The following SMARCAD1 variants were observed in gnomAD, a reference collection of about 807,000 sequenced individuals.
SMARCAD1 encodes SNF2 related chromatin remodeling ATPase with DExD box 1.
In SMARCAD1, 25 loss-of-function variants were observed where a neutral mutation model predicts 127.1. The ratio of observed to expected loss-of-function variants is 0.20; its 90% CI spans 0.14 to 0.27. The LOEUF is 0.27. Ranked by LOEUF, SMARCAD1 falls within the 10% of genes least tolerant of loss-of-function variation. SMARCAD1 has a pLI of 1.00. For synonymous variants in SMARCAD1, 400 were observed against 396.9 expected (o/e 1.01, Z -0.09); for missense variants, 807 against 1,206.0 (o/e 0.67, Z 4.90).
chr4:94,269,287 C>G (rs541801130), intron 10 of SMARCAD1, among the ~76,000 whole-genome samples: 1 of 152,110 alleles, frequency 6.6e-6, no homozygotes, highest in Admixed American at 6.6e-5. Flanking sequence ...CCAGACCCTT[C>G]CCTGTGTGCA....
intron 9 of SMARCAD1, among the ~76,000 whole-genome samples, chr4:94,262,921 TG>T (rs1751230168): frequency 7.5e-6 from 1 of 133,186 alleles, no homozygotes; most frequent in Non-Finnish European, 1.6e-5. Flanking sequence ...AGAAAAGAAA[TG>T]GTAGTTGGTT....
rs778002631 is a variant in SMARCAD1 at position 94,289,699 on chromosome 4, C to G, written c.*165C>G. 3 of 731,556 alleles carry G rather than the reference C, an allele frequency of 4.1e-6. No individual in the cohort carries two copies. Among genetic ancestry groups the G allele is most frequent in the Non-Finnish European group, 7.5e-6 (3 of 398,842 alleles). 45.3% of individuals were successfully genotyped at this position (731,556 alleles called of 1,614,324 possible). Reference sequence around the variant, plus strand: ...AACTTTTTGCCACTAACTGAATTCTCCAAATACTCACACGTGAAATTTCAA... The same window carrying G: ...AACTTTTTGCCACTAACTGAATTCTGCAAATACTCACACGTGAAATTTCAA... On this transcript the variant is annotated 3_prime_UTR_variant, in exon 24 of 24. Transcript: ENST00000354268.
intron 15 of SMARCAD1, 51 bp downstream of exon 15, chr4:94,276,525 G>A (rs373304622): frequency 7.2e-5 from 114 of 1,588,088 alleles, no homozygotes; most frequent in South Asian, 2.0e-4. Context: ...TTTAGATTAC[G>A]TAATTTAATA....
intron 9 of SMARCAD1, among the ~76,000 whole-genome samples, chr4:94,263,689 T>G (rs1336251172): frequency 6.6e-6 from 1 of 151,944 alleles, no homozygotes; most frequent in Non-Finnish European, 1.5e-5. Flanking sequence ...TTACTTAGAG[T>G]TGTTAATGTG....
intron 3 of SMARCAD1, among the ~76,000 whole-genome samples, chr4:94,233,474 G>T (rs1341912139): frequency 3.9e-5 from 6 of 152,134 alleles, no homozygotes; most frequent in Admixed American, 6.5e-5. Context: ...TTTGTTTCTG[G>T]CAGAGATTCC....
intron 22 of SMARCAD1, among the ~76,000 whole-genome samples, chr4:94,284,479 A>G (rs777678120): frequency 1.3e-5 from 2 of 151,594 alleles, no homozygotes; most frequent in South Asian, 2.1e-4. Flanking sequence ...GCTCACTTCA[A>G]TCTCCACCTC....
intron 22 of SMARCAD1, among the ~76,000 whole-genome samples, chr4:94,283,554 C>T (rs531210145): frequency 7.9e-5 from 12 of 152,226 alleles, no homozygotes; most frequent in South Asian, 2.1e-4. Context: ...GGCCGGGCGC[C>T]GTGGCTCACG....
chr4:94,250,967 G>A, intron 8 of SMARCAD1, 134 bp downstream of exon 8: 1 of 654,314 alleles, frequency 1.5e-6, no homozygotes, highest in Non-Finnish European at 2.6e-6. Context: ...TGAAAGTAAT[G>A]ATGTAAAAAC....
chr4:94,265,171 C>T (rs1751548697), intron 10 of SMARCAD1, among the ~76,000 whole-genome samples: 1 of 151,754 alleles, frequency 6.6e-6, no homozygotes, highest in Non-Finnish European at 1.5e-5. Flanking sequence ...TTTTTTGCCT[C>T]ATAACAGGTA....
intron 2 of SMARCAD1, among the ~76,000 whole-genome samples, chr4:94,209,891 G>A (rs2125779066): frequency 6.6e-6 from 1 of 152,260 alleles, no homozygotes; most frequent in Non-Finnish European, 1.5e-5. Context: ...TAGTTAGATA[G>A]TTCAGGAAAG....
At chr4:94,234,616 A>C (rs1440607805) in intron 4 of SMARCAD1, among the ~76,000 whole-genome samples, 1 of 152,240 alleles carries the variant, frequency 6.6e-6, no homozygotes, top group Non-Finnish European at 1.5e-5. Flanking sequence ...GTTGAAATGT[A>C]AAGTGATGTT....
chr4:94,252,491 A>G (rs1749427185), intron 8 of SMARCAD1, 125 bp from the exon 9 acceptor site: 1 of 601,090 alleles, frequency 1.7e-6, no homozygotes, highest in Non-Finnish European at 2.7e-6. Flanking sequence ...AAATTTAACA[A>G]TAAATTGTCG....
intron 6 of SMARCAD1, among the ~76,000 whole-genome samples, chr4:94,241,891 G>A (rs1408961428): frequency 2.0e-5 from 3 of 152,174 alleles, no homozygotes; most frequent in African/African-American, 4.8e-5. Context: ...TCAAGTGGCT[G>A]TGGACTTAAC....
chr4:94,250,549 T>G (rs1349759801), intron 7 of SMARCAD1, among the ~76,000 whole-genome samples: 1 of 152,154 alleles, frequency 6.6e-6, no homozygotes, highest in Non-Finnish European at 1.5e-5. Context: ...TGTCAAGTTT[T>G]CTTTCCTTTG....
intron 9 of SMARCAD1, among the ~76,000 whole-genome samples, chr4:94,255,153 T>C (rs987097703): frequency 6.6e-6 from 1 of 152,016 alleles, no homozygotes; most frequent in African/African-American, 2.4e-5. Flanking sequence ...ATCATATTGC[T>C]CAGTCATATT....
Position 94,284,251 on chromosome 4 carries a change from C to T in SMARCAD1, c.2910-709C>T, listed in dbSNP as rs1579371044. On this transcript the variant is annotated intron_variant, in intron 22 of 23. Coordinates refer to ENST00000354268, the MANE Select transcript of SMARCAD1 (RefSeq NM_020159.5). ...CTGAGGCAGGAGAATGACGTGAAGC[C>T]GGGAGGCGGAGCTTGCAGTGAGCCG... Among the ~76,000 whole-genome samples the T allele has an allele frequency of 2.3e-5, 3 of 128,244 alleles. No individual in the cohort carries two copies. The South Asian group carries it at 8.1e-4, about 35-fold the overall frequency. 84.1% of individuals were successfully genotyped at this position (128,244 alleles called of 152,430 possible). A position where few individuals can be genotyped will look rare whatever the true frequency, so the allele number is the denominator to read the frequency against.
intron 4 of SMARCAD1, among the ~76,000 whole-genome samples, chr4:94,236,054 T>C (rs138060877): frequency 6.6e-6 from 1 of 152,202 alleles, no homozygotes; most frequent in African/African-American, 2.4e-5. Context: ...TTTAAATCCA[T>C]GTAAAAGAAT....
rs1001740817 is a variant in SMARCAD1 at position 94,283,424 on chromosome 4, T to G, written c.2909+121T>G. 9 of 854,328 alleles carry G rather than the reference T, an allele frequency of 1.1e-5. No individual in the cohort carries two copies. The South Asian group carries it at 1.2e-4, about 11-fold the overall frequency. The allele number at this position is 854,328 out of a possible 1,614,324, so 52.9% of individuals were successfully genotyped here. A position where few individuals can be genotyped will look rare whatever the true frequency, so the allele number is the denominator to read the frequency against. On this transcript the variant is annotated intron_variant, in intron 22 of 23. Coordinates refer to ENST00000354268, the MANE Select transcript of SMARCAD1 (RefSeq NM_020159.5). ...TGTTTTTTCGGCAAAGCATGGCTAC[T>G]GATGTATTTTATACCAGCAGTGTTG...
At chr4:94,247,378 G>C (rs1048769298) in intron 6 of SMARCAD1, among the ~76,000 whole-genome samples, 1 of 152,176 alleles carries the variant, frequency 6.6e-6, no homozygotes, top group African/African-American at 2.4e-5. Flanking sequence ...TGGACCACAT[G>C]AGTATATTCA....
Sources: allele counts gnomAD v4.1 joint callset (sites outside exome capture counted in the v4.1 genomes callset), GRCh38; gene constraint gnomAD v4.1.1; transcripts MANE v1.5; gene names NCBI Gene and HGNC (gene_info 2026-07-23, HGNC 2026-07-21).